The following ZFP14 variants were observed in gnomAD, a reference collection of about 807,000 sequenced individuals.
The protein encoded by ZFP14 is zinc finger protein 14 homolog.
ZFP14 carries 22 observed loss-of-function variants against 54.5 expected under a neutral mutation model. The observed-to-expected ratio is 0.40, with a 90% confidence interval of 0.29 to 0.58. The LOEUF is 0.58. Among genes scored for constraint, ZFP14 ranks in the 20% least tolerant of loss-of-function variants. ZFP14 has a pLI of 0.39. For missense variants in ZFP14, 470 were observed against 637.8 expected (o/e 0.74, Z 2.83); for synonymous variants, 159 against 204.0 (o/e 0.78, Z 1.88).
At chr19:36,346,330 A>AAACAG (rs2031413671) in intron 4 of ZFP14, among the ~76,000 whole-genome samples, 1 of 152,182 alleles carries the variant, frequency 6.6e-6, no homozygotes, top group South Asian at 2.1e-4. Flanking sequence ...AAACAAAACA[A>AAACAG]AAAAACAAAA....
intron 1 of ZFP14, among the ~76,000 whole-genome samples, chr19:36,377,801 G>A (rs1238289981): frequency 1.3e-5 from 2 of 149,828 alleles, no homozygotes; most frequent in East Asian, 4.0e-4. Context: ...TGAGCACATC[G>A]TGCCACTGCA....
chr19:36,340,503 CTGAG>C lies in ZFP14; in HGVS notation c.1319_1322del (p.Thr440SerfsTer113), dbSNP rs2145538064. 1.9e-6 allele frequency: 3 copies of C among 1,613,342 alleles called. No individual in the cohort carries two copies. The highest frequency in any genetic ancestry group is 2.5e-6 in the Non-Finnish European group (3 of 1,179,664). ...TCTCACCAGTGTGAATACTTTGATG[CTGAG>C]TAAGTTGTGAGAGCAGTCTAAAGGC... On this transcript the variant is annotated frameshift_variant, in exon 5 of 5. Coordinates refer to ENST00000270001, the MANE Select transcript of ZFP14 (RefSeq NM_020917.3). LOFTEE classifies it high-confidence loss of function. This position sits in a 1 kb window ranked among gnomAD's most constrained non-coding sequence, Gnocchi z 5.4.
Position 36,340,209 on chromosome 19 carries a change from G to A in ZFP14, c.*15C>T. 1.3e-6 allele frequency: 2 copies of A among 1,540,484 alleles called. No individual in the cohort carries two copies. The highest frequency in any genetic ancestry group is 4.5e-5 in the East Asian group (2 of 44,132). ...ATGTTCTGTAACATCATATACATTT[G>A]AAGGCTTTCTTCTATTAAATTCCAT... is the stretch of plus-strand genomic sequence containing the variant. On this transcript the variant is annotated 3_prime_UTR_variant, in exon 5 of 5. Transcript: ENST00000270001. This position sits in a 1 kb window ranked among gnomAD's most constrained non-coding sequence, Gnocchi z 5.4.
Position 36,340,268 on chromosome 19 carries a change from G to C in ZFP14, c.1558C>G (p.His520Asp). The C allele has an allele frequency of 6.2e-7, 1 of 1,607,978 alleles. No individual in the cohort carries two copies. Among genetic ancestry groups the C allele is most frequent in the Non-Finnish European group, 8.5e-7 (1 of 1,177,030 alleles). ...TTCTGATGCTGAGTAAGGTGTGAAT[G>C]CTGTCTAAAGGCCTTCTTACACTCC... is the stretch of plus-strand genomic sequence containing the variant. ...CKECKKAFRQHSHLTQHQKIH... is the reference protein window; with the variant it reads ...CKECKKAFRQDSHLTQHQKIH... The change falls in exon 5 of 5, where the codon CAT becomes GAT. Residue 520 changes from histidine (H) to aspartate (D), a missense_variant. Coordinates refer to ENST00000270001, the MANE Select transcript of ZFP14 (RefSeq NM_020917.3). The surrounding 1 kb of genome is among the most constrained non-coding windows in gnomAD (Gnocchi z 5.4).
At chr19:36,378,424 G>C (rs1489535359) in intron 1 of ZFP14, 1 of 152,176 alleles carries the variant, frequency 6.6e-6, no homozygotes, top group Admixed American at 6.5e-5. Context: ...GGCTTTATCT[G>C]TCTCTTCCTT....
intron 4 of ZFP14, among the ~76,000 whole-genome samples, chr19:36,345,730 C>A (rs1009512834): frequency 6.6e-6 from 1 of 152,130 alleles, no homozygotes; most frequent in Non-Finnish European, 1.5e-5. Flanking sequence ...ATCTTCACTT[C>A]AGATTTTAAA....
intron 1 of ZFP14, among the ~76,000 whole-genome samples, chr19:36,369,085 G>T (rs62112631): frequency 0.15 from 23,053 of 151,986 alleles, 2,179 homozygotes; most frequent in Admixed American, 0.2. Context: ...CAGGTGATCC[G>T]CCCGCCTCGG....
rs752362071 is a variant in ZFP14, at chr19:36,340,661, T to G, written c.1165A>C (p.Ile389Leu). 1 of 1,614,100 alleles carries G rather than the reference T, an allele frequency of 6.2e-7. No homozygotes were observed. Among genetic ancestry groups the G allele is most frequent in the East Asian group, 2.2e-5 (1 of 44,850 alleles). Residue 389 changes from isoleucine (I) to leucine (L), a missense_variant, in exon 5 of 5, where the codon ATA becomes CTA. Coordinates refer to ENST00000270001, the MANE Select transcript of ZFP14 (RefSeq NM_020917.3). This position sits in a 1 kb window ranked among gnomAD's most constrained non-coding sequence, Gnocchi z 5.4. ...TCATAGGGTTTCTCACGAGTATGTA[T>G]TCTCTGATGGCGAACTAGTTGTTGT... is the stretch of plus-strand genomic sequence containing the variant. ...LRQQLVRHQR[I>L]HTREKPYECM...
chr19:36,342,127 T>C (rs2031329347), intron 4 of ZFP14, among the ~76,000 whole-genome samples: 2 of 150,770 alleles, frequency 1.3e-5, no homozygotes, highest in Admixed American at 6.6e-5. Flanking sequence ...AGTGCTGGGA[T>C]TACAGGAGTG....
At chr19:36,348,561 A>G (rs2031458797) in intron 4 of ZFP14, among the ~76,000 whole-genome samples, 1 of 152,146 alleles carries the variant, frequency 6.6e-6, no homozygotes, top group African/African-American at 2.4e-5. Flanking sequence ...CAGTGGCACA[A>G]TCTTGGCTCA....
rs1281204513 is a variant in ZFP14 at position 36,339,065 on chromosome 19, G to A, written c.*1159C>T. The A allele has an allele frequency of 6.6e-6, 1 of 151,974 alleles. No homozygotes were observed. Among genetic ancestry groups the A allele is most frequent in the Non-Finnish European group, 1.5e-5 (1 of 67,984 alleles). 9.4% of individuals were successfully genotyped at this position (151,974 alleles called of 1,614,324 possible). ...CTCACATTCATGAAATTCATTTTTG[G>A]CATGAAATTTCTAATGCAGCTCAAG... On this transcript the variant is annotated 3_prime_UTR_variant, in exon 5 of 5. Transcript: ENST00000270001.
At position 36,362,149 on chromosome 19, in the gene ZFP14, A is replaced by T. The variant is rs763903480; in HGVS notation, c.99T>A (p.Asp33Glu). 7 of 1,610,272 alleles carry T rather than the reference A, an allele frequency of 4.3e-6. No homozygotes were observed. The South Asian group carries it at 7.7e-5, about 18-fold the overall frequency. Residue 33 changes from aspartate (D) to glutamate (E), a missense_variant, in exon 3 of 5, where the codon GAT (aspartate) becomes GAA (glutamate). Coordinates refer to ENST00000270001, the MANE Select transcript of ZFP14 (RefSeq NM_020917.3). ...AGTTGCTGTAGTTCTCCCACATTAC[A>T]TCCCTATATAAGTCCCTCTGAGCAG... ...LDPAQRDLYR[D>E]VMWENYSNFI...
chr19:36,352,281 A>G (rs2031540587), intron 4 of ZFP14, among the ~76,000 whole-genome samples: 1 of 143,408 alleles, frequency 7.0e-6, no homozygotes, highest in Non-Finnish European at 1.5e-5. Context: ...TGTACTTGTT[A>G]TTGTCTAAGG....
At chr19:36,359,290 T>C (rs996515746) in intron 4 of ZFP14, among the ~76,000 whole-genome samples, 1 of 152,228 alleles carries the variant, frequency 6.6e-6, no homozygotes, top group Non-Finnish European at 1.5e-5. Flanking sequence ...AAAATTTTTG[T>C]ATCTATGTAT....
chr19:36,344,027 A>G (rs1048490689), intron 4 of ZFP14, among the ~76,000 whole-genome samples: 2 of 152,086 alleles, frequency 1.3e-5, no homozygotes, highest in African/African-American at 2.4e-5. Context: ...TTTTTTTGAG[A>G]TGGAGTTTCT....
chr19:36,350,462 G>A (rs984466510), intron 4 of ZFP14, among the ~76,000 whole-genome samples: 1 of 141,166 alleles, frequency 7.1e-6, no homozygotes, highest in Non-Finnish European at 1.6e-5. Context: ...TTCACTGGGT[G>A]TGGTGGTGTG....
chr19:36,354,779 C>T (rs1441840524), intron 4 of ZFP14, among the ~76,000 whole-genome samples: 1 of 143,064 alleles, frequency 7.0e-6, no homozygotes, highest in African/African-American at 2.6e-5. Flanking sequence ...TCAAGCGATA[C>T]TTCTGCCTTA....
chr19:36,379,028 G>C (rs989674126), intron 1 of ZFP14, 135 bp downstream of exon 1: 1 of 152,420 alleles, frequency 6.6e-6, no homozygotes, highest in Non-Finnish European at 1.5e-5. Flanking sequence ...CGAGAAGGCA[G>C]AGGACGCAAC....
At chr19:36,348,927 T>C (rs2145545195) in intron 4 of ZFP14, among the ~76,000 whole-genome samples, 1 of 152,242 alleles carries the variant, frequency 6.6e-6, no homozygotes, top group Admixed American at 6.5e-5. Context: ...TGGAAAATTC[T>C]ATTCAACAAG....
Sources: allele counts gnomAD v4.1 joint callset (sites outside exome capture counted in the v4.1 genomes callset), GRCh38; gene constraint gnomAD v4.1.1; non-coding constraint Gnocchi (gnomAD v3.1); transcripts MANE v1.5; gene names NCBI Gene and HGNC (gene_info 2026-07-23, HGNC 2026-07-21).